The following PLD5 variants were observed in gnomAD, a reference collection of about 807,000 sequenced individuals.
PLD5 encodes inactive phospholipase D5.
Under a neutral mutation model 61.1 loss-of-function variants are expected in PLD5, and 36 were observed. The ratio of observed to expected loss-of-function variants is 0.59; its 90% CI spans 0.45 to 0.78. The LOEUF (loss-of-function observed/expected upper bound fraction) is 0.78. PLD5 is among the 30% of genes least tolerant of loss of function. PLD5 has a pLI of 0.00. For missense variants in PLD5, 515 were observed against 644.4 expected (o/e 0.80, Z 2.17); for synonymous variants, 243 against 242.8 (o/e 1.00, Z -0.01).
At chr1:242,237,382 G>A (rs1671704591) in intron 4 of PLD5, among the ~76,000 whole-genome samples, 2 of 152,072 alleles carry the variant, frequency 1.3e-5, no homozygotes, top group South Asian at 2.1e-4. Context: ...AGTTCTCAAC[G>A]TCTTGCATCT....
intron 1 of PLD5, among the ~76,000 whole-genome samples, chr1:242,452,061 G>A (rs923851374): frequency 1.3e-5 from 2 of 152,126 alleles, no homozygotes; most frequent in Non-Finnish European, 1.5e-5. Context: ...TCCCAACAGG[G>A]CTGAATGGCA....
chr1:242,194,270 C>T (rs571802575), intron 5 of PLD5, among the ~76,000 whole-genome samples: 10 of 152,148 alleles, frequency 6.6e-5, no homozygotes, highest in Non-Finnish European at 1.5e-4. Context: ...CATTATTTTG[C>T]TAGGGCCTAT....
At chr1:242,144,561 A>G (rs1384672302) in intron 5 of PLD5, among the ~76,000 whole-genome samples, 1 of 152,172 alleles carries the variant, frequency 6.6e-6, no homozygotes, top group Non-Finnish European at 1.5e-5. Context: ...CGGGAGGATC[A>G]CTTGAGGTCA....
chr1:242,324,380 AAAGT>A (rs1160031020), intron 2 of PLD5, among the ~76,000 whole-genome samples: 133 of 152,344 alleles, frequency 8.7e-4, no homozygotes, highest in African/African-American at 3.0e-3. Context: ...TGCTAAAAAC[AAAGT>A]AAGTTTGTAA....
intron 3 of PLD5, among the ~76,000 whole-genome samples, chr1:242,269,740 G>T (rs1009184708): frequency 6.6e-6 from 1 of 152,126 alleles, no homozygotes; most frequent in Admixed American, 6.5e-5. Context: ...GGTAAGTAAG[G>T]TTTGTCCTGT....
intron 6 of PLD5, among the ~76,000 whole-genome samples, chr1:242,122,212 G>A (rs749703634): frequency 6.6e-6 from 1 of 152,072 alleles, no homozygotes; most frequent in Non-Finnish European, 1.5e-5. Flanking sequence ...AAATAACAAA[G>A]GTATCGAATT....
At chr1:242,411,340 A>T (rs934541562) in intron 1 of PLD5, among the ~76,000 whole-genome samples, 2 of 152,154 alleles carry the variant, frequency 1.3e-5, no homozygotes, top group African/African-American at 4.8e-5. Flanking sequence ...GGTTCACGCC[A>T]TTCTCCTGCC....
chr1:242,091,481 T>C (rs564188021), intron 9 of PLD5, among the ~76,000 whole-genome samples: 5 of 152,254 alleles, frequency 3.3e-5, no homozygotes, highest in Admixed American at 2.0e-4. Flanking sequence ...ATGTTTACAG[T>C]TGAGAAAACA....
At chr1:242,204,890 A>G (rs541678762) in intron 5 of PLD5, among the ~76,000 whole-genome samples, 202 of 152,342 alleles carry the variant, frequency 1.3e-3, no homozygotes, top group African/African-American at 4.6e-3. Context: ...AGCCAAAAAA[A>G]AGAATAAGGC....
intron 4 of PLD5, among the ~76,000 whole-genome samples, chr1:242,246,858 G>A (rs993098920): frequency 2.6e-5 from 4 of 152,100 alleles, no homozygotes; most frequent in African/African-American, 9.7e-5. Flanking sequence ...ATTTTAGGGA[G>A]ACAGGAATTG....
chr1:242,213,000 C>T (rs770551674), intron 5 of PLD5, among the ~76,000 whole-genome samples: 5 of 152,086 alleles, frequency 3.3e-5, no homozygotes, highest in African/African-American at 4.8e-5. Context: ...CCTTGGAATT[C>T]GCCCATTTTT....
At chr1:242,317,306 C>T (rs1248544438) in intron 2 of PLD5, among the ~76,000 whole-genome samples, 6 of 152,164 alleles carry the variant, frequency 3.9e-5, no homozygotes, top group African/African-American at 9.6e-5. Context: ...TGAGCCACTG[C>T]GCCTGGCCTC....
chr1:242,309,498 C>T lies in PLD5; in HGVS notation c.327-20968G>A, dbSNP rs141261804. 4.1e-3 allele frequency among the ~76,000 whole-genome samples: 617 copies of T among 151,864 alleles called. 3 individuals are homozygous for T. Among genetic ancestry groups the T allele is most frequent in the African/African-American group, 0.014 (572 of 41,402 alleles). Reference sequence around the variant, plus strand: ...AAGCAATTCTCCCACCTCAGCCTCCCGAGTAGCTGGGATTACAGGTGCATG... The same window carrying T: ...AAGCAATTCTCCCACCTCAGCCTCCTGAGTAGCTGGGATTACAGGTGCATG... On this transcript the variant is annotated intron_variant, in intron 2 of 9. Coordinates refer to ENST00000536534, the MANE Select transcript of PLD5 (RefSeq NM_001372062.1).
At chr1:242,192,957 C>CA (rs1429659659) in intron 5 of PLD5, among the ~76,000 whole-genome samples, 1 of 151,886 alleles carries the variant, frequency 6.6e-6, no homozygotes, top group African/African-American at 2.4e-5. Context: ...TCTCTGCCCC[C>CA]ACCCCAATAC....
At chr1:242,470,306 C>T (rs917506602) in intron 1 of PLD5, among the ~76,000 whole-genome samples, 8 of 149,822 alleles carry the variant, frequency 5.3e-5, no homozygotes, top group Non-Finnish European at 4.4e-5. Flanking sequence ...CGCACCACTG[C>T]ACTCCAGCTT....
chr1:242,524,236 T>A lies in PLD5; in HGVS notation c.41A>T (p.His14Leu). The change falls in exon 1 of 10, where the codon CAT becomes CTT. Residue 14 changes from histidine to leucine, a missense_variant. Physicochemically the swap from His to Leu is moderately conservative, Grantham distance 99 (BLOSUM62 -3). Transcript: ENST00000536534. ...GAGCCTCATCTGCTCGAAGCCCTCA[T>A]GGGGGGAGGCCGAGAGCCACTCGTG... ...RQHEWLSASP[H>L]EGFEQMRLKS... 1 of 1,516,346 alleles carries A rather than the reference T, an allele frequency of 6.6e-7. No individual in the cohort carries two copies. 93.9% of individuals were successfully genotyped at this position (1,516,346 alleles called of 1,614,324 possible). A position where few individuals can be genotyped will look rare whatever the true frequency, so the allele number is the denominator to read the frequency against.
intron 2 of PLD5, among the ~76,000 whole-genome samples, chr1:242,328,971 T>C (rs60221430): frequency 0.023 from 3,543 of 151,928 alleles, 129 homozygotes; most frequent in African/African-American, 0.08. Flanking sequence ...TTTTCAATTT[T>C]CTTCAATCAT....
At chr1:242,509,949 C>T (rs1304327535) in intron 1 of PLD5, among the ~76,000 whole-genome samples, 5 of 152,258 alleles carry the variant, frequency 3.3e-5, no homozygotes, top group Admixed American at 2.6e-4. Flanking sequence ...ACTCCTGAAA[C>T]GCCCCACCCA....
intron 6 of PLD5, among the ~76,000 whole-genome samples, chr1:242,118,726 TC>T: frequency 6.6e-6 from 1 of 152,322 alleles, no homozygotes; most frequent in East Asian, 1.9e-4. Flanking sequence ...TGGCAGGTGC[TC>T]CAGCTCCATG....
Sources: allele counts gnomAD v4.1 joint callset (sites outside exome capture counted in the v4.1 genomes callset), GRCh38; gene constraint gnomAD v4.1.1; transcripts MANE v1.5; gene names NCBI Gene and HGNC (gene_info 2026-07-23, HGNC 2026-07-21).